The following MCHR2 variants were observed in gnomAD, a reference collection of about 807,000 sequenced individuals.
MCHR2 encodes the protein melanin concentrating hormone receptor 2.
MCHR2 carries 15 observed loss-of-function variants against 24.8 expected under a neutral mutation model. The ratio of observed to expected loss-of-function variants is 0.60; its 90% CI spans 0.40 to 0.93. The LOEUF (loss-of-function observed/expected upper bound fraction) is 0.93, where lower values mean the gene tolerates loss of function less well. Among genes scored for constraint, MCHR2 ranks in the 40% least tolerant of loss-of-function variants. The pLI, the probability that MCHR2 is intolerant of heterozygous loss-of-function variation, is 0.00. For synonymous variants in MCHR2, 151 were observed against 147.6 expected, an observed-to-expected ratio of 1.02 and a Z score of -0.17; for missense variants, 386 against 408.7, an observed-to-expected ratio of 0.94 and a Z score of 0.48.
intron 5 of MCHR2, among the ~76,000 whole-genome samples, chr6:99,931,391 T>C (rs1404974306): frequency 3.3e-5 from 5 of 152,200 alleles, no homozygotes; most frequent in African/African-American, 1.2e-4. Context: ...GACATTTAAG[T>C]CTGCAGAGGT....
intron 5 of MCHR2, among the ~76,000 whole-genome samples, chr6:99,929,740 G>A (rs1251322718): frequency 8.6e-5 from 13 of 151,874 alleles, no homozygotes; most frequent in Admixed American, 2.0e-4. Context: ...GTCTCTGCAC[G>A]TGAGATGGGT....
intron 1 of MCHR2, among the ~76,000 whole-genome samples, chr6:99,977,380 G>C (rs1775571412): frequency 6.6e-6 from 1 of 152,086 alleles, no homozygotes; most frequent in Non-Finnish European, 1.5e-5. Flanking sequence ...CACATAGTTG[G>C]AGGGAAATTT....
chr6:99,937,751 A>T (rs1305240000), intron 4 of MCHR2, among the ~76,000 whole-genome samples: 91 of 146,876 alleles, frequency 6.2e-4, no homozygotes, highest in African/African-American at 1.4e-3. Flanking sequence ...CTTCCTCTTC[A>T]TTTTTTTTTT....
chr6:99,929,774 C>G (rs9389856), intron 5 of MCHR2, among the ~76,000 whole-genome samples: 43,491 of 147,492 alleles, frequency 0.29, 7,148 homozygotes, highest in Admixed American at 0.4. Flanking sequence ...CACACTGATG[C>G]ATCTTGACTC....
intron 2 of MCHR2, 58 bp from the exon 3 acceptor site, chr6:99,948,029 T>C (rs1774905395): frequency 7.0e-7 from 1 of 1,432,678 alleles, no homozygotes; most frequent in Admixed American, 2.1e-5. Context: ...CTATTCGATA[T>C]ATGCTACCTC....
At chr6:99,979,623 T>C (rs1444651523) in intron 1 of MCHR2, among the ~76,000 whole-genome samples, 2 of 152,230 alleles carry the variant, frequency 1.3e-5, no homozygotes, top group Non-Finnish European at 1.5e-5. Context: ...TAATTTCACC[T>C]GTTTCTTTTT....
At chr6:99,959,831 A>G (rs1288730852) in intron 1 of MCHR2, among the ~76,000 whole-genome samples, 1 of 147,268 alleles carries the variant, frequency 6.8e-6, no homozygotes, top group African/African-American at 2.5e-5. Context: ...CAATAATAAT[A>G]ATGATAATAA....
At chr6:99,955,930 T>C in intron 2 of MCHR2, 36 bp downstream of exon 2, 1 of 1,449,744 alleles carries the variant, frequency 6.9e-7, no homozygotes, top group Non-Finnish European at 9.1e-7. Context: ...TCCTAAAGTA[T>C]GGAAGGAAAA....
intron 5 of MCHR2, among the ~76,000 whole-genome samples, chr6:99,929,352 G>T (rs1186346480): frequency 6.6e-6 from 1 of 152,028 alleles, no homozygotes; most frequent in Non-Finnish European, 1.5e-5. Context: ...TGTCTATTAG[G>T]TCTGCTTGGT....
At chr6:99,957,235 G>A (rs1358211979) in intron 1 of MCHR2, among the ~76,000 whole-genome samples, 1 of 152,134 alleles carries the variant, frequency 6.6e-6, no homozygotes, top group Admixed American at 6.6e-5. Context: ...ACCCTCTTCT[G>A]AGCTGGAGCC....
intron 1 of MCHR2, among the ~76,000 whole-genome samples, chr6:99,983,822 T>A (rs1014744283): frequency 5.3e-5 from 8 of 152,218 alleles, no homozygotes; most frequent in African/African-American, 1.9e-4. Flanking sequence ...TTTAAGGGAT[T>A]TTTTTCTACA....
chr6:99,948,769 AATG>A (rs1265078772), intron 2 of MCHR2, among the ~76,000 whole-genome samples: 1 of 152,208 alleles, frequency 6.6e-6, no homozygotes, highest in Non-Finnish European at 1.5e-5. Context: ...ACTGAAAATA[AATG>A]ATTTCTGTTG....
intron 5 of MCHR2, among the ~76,000 whole-genome samples, chr6:99,928,578 G>C (rs1774427346): frequency 6.6e-6 from 1 of 152,166 alleles, no homozygotes; most frequent in Non-Finnish European, 1.5e-5. Flanking sequence ...GGGTGTATGT[G>C]TTGAGGAATT....
At chr6:99,933,788 T>G (rs1407445672) in intron 5 of MCHR2, among the ~76,000 whole-genome samples, 1 of 152,142 alleles carries the variant, frequency 6.6e-6, no homozygotes, top group Non-Finnish European at 1.5e-5. Context: ...ATATAATTAC[T>G]GACTTATTCA....
Position 99,924,321 on chromosome 6 carries a change from A to C in MCHR2, c.708-3066T>G, listed in dbSNP as rs572726405. Among the ~76,000 whole-genome samples the C allele has an allele frequency of 5.3e-4, 80 of 151,928 alleles. 1 individual carries two copies. The highest frequency in any genetic ancestry group is 1.0e-3 in the Non-Finnish European group (68 of 67,926). Reference sequence around the variant, plus strand: ...CTTTTTCTCAGTTAGTCTGGCTAAAAGTTTGTCAATTTTGTTTAACTTTAA... The same window carrying C: ...CTTTTTCTCAGTTAGTCTGGCTAAACGTTTGTCAATTTTGTTTAACTTTAA... On this transcript the variant is annotated intron_variant, in intron 5 of 5. Transcript: ENST00000281806.
chr6:99,924,799 G>T (rs1217233496), intron 5 of MCHR2, among the ~76,000 whole-genome samples: 6 of 152,050 alleles, frequency 3.9e-5, no homozygotes, highest in Admixed American at 3.9e-4. Flanking sequence ...AATTTTTAAA[G>T]ACTTGTTTTG....
intron 1 of MCHR2, among the ~76,000 whole-genome samples, chr6:99,964,538 A>C (rs1301592531): frequency 6.6e-6 from 1 of 152,088 alleles, no homozygotes; most frequent in African/African-American, 2.4e-5. Flanking sequence ...TGGAGTGAGC[A>C]CAAGCAGGAG....
intron 5 of MCHR2, among the ~76,000 whole-genome samples, chr6:99,932,314 A>G (rs1774563813): frequency 6.6e-6 from 1 of 152,192 alleles, no homozygotes; most frequent in African/African-American, 2.4e-5. Context: ...AATATTGAAT[A>G]AAATGAGGAG....
At chr6:99,968,946 T>C (rs1375891048) in intron 1 of MCHR2, among the ~76,000 whole-genome samples, 3 of 152,092 alleles carry the variant, frequency 2.0e-5, no homozygotes, top group Non-Finnish European at 4.4e-5. Flanking sequence ...ATATAGCATA[T>C]AAAATTTTAT....
Sources: allele counts gnomAD v4.1 joint callset (sites outside exome capture counted in the v4.1 genomes callset), GRCh38; gene constraint gnomAD v4.1.1; transcripts MANE v1.5; gene names NCBI Gene and HGNC (gene_info 2026-07-23, HGNC 2026-07-21).